COLQ: variants seen among roughly 807,000 people sequenced by gnomAD.
COLQ encodes the protein collagen like tail subunit of asymmetric acetylcholinesterase.
A neutral mutation model predicts 69.0 loss-of-function variants in COLQ; 48 were observed. That is an observed-to-expected ratio of 0.70 (90% confidence interval 0.55 to 0.88). The LOEUF (loss-of-function observed/expected upper bound fraction) is 0.88. Ranked by LOEUF, COLQ falls within the 40% of genes least tolerant of loss-of-function variation. The pLI is 0.00. For missense variants in COLQ, 618 were observed against 594.6 expected, an observed-to-expected ratio of 1.04 and a Z score of -0.41; for synonymous variants, 217 against 211.2, an observed-to-expected ratio of 1.03 and a Z score of -0.24.
At chr3:15,492,916 T>G (rs956583105) in intron 1 of COLQ, among the ~76,000 whole-genome samples, 5 of 152,156 alleles carry the variant, frequency 3.3e-5, no homozygotes, top group African/African-American at 1.2e-4. Flanking sequence ...TGTTGGCCTA[T>G]CCAATGCTTG....
At chr3:15,500,115 C>G (rs1404067598) in intron 1 of COLQ, among the ~76,000 whole-genome samples, 1 of 152,108 alleles carries the variant, frequency 6.6e-6, no homozygotes, top group Non-Finnish European at 1.5e-5. Context: ...GGAAGGATTC[C>G]TGGAAGAGGT....
rs142914641 is a variant in COLQ, at chr3:15,505,738, C to CA, written c.106+15781dup. Among the ~76,000 whole-genome samples, 816 of 152,340 alleles carry CA rather than the reference C, an allele frequency of 5.4e-3. 5 individuals carry two copies. The highest frequency in any genetic ancestry group is 0.018 in the African/African-American group (749 of 41,580). ...GGGAGATCTGGCCATAGGTCAGAGA[C>CA]AAAACCTTCCAGCTGCATCGGGCCC... On this transcript the variant is annotated intron_variant, in intron 1 of 16. Coordinates refer to ENST00000383788, the MANE Select transcript of COLQ (RefSeq NM_005677.4).
intron 3 of COLQ, among the ~76,000 whole-genome samples, chr3:15,487,950 A>G (rs2062600912): frequency 6.6e-6 from 1 of 152,204 alleles, no homozygotes; most frequent in Non-Finnish European, 1.5e-5. Flanking sequence ...TCCTCATTTG[A>G]TTCCCCCAAA....
At chr3:15,489,221 C>T (rs566297820) in intron 2 of COLQ, among the ~76,000 whole-genome samples, 1 of 152,182 alleles carries the variant, frequency 6.6e-6, no homozygotes, top group Admixed American at 6.5e-5. Context: ...TGATGGGAAC[C>T]CAGGAAGTTA....
At chr3:15,489,383 T>G (rs1479407589) in intron 2 of COLQ, 142 bp downstream of exon 2, 2 of 771,070 alleles carry the variant, frequency 2.6e-6, no homozygotes, top group Non-Finnish European at 4.5e-6. Flanking sequence ...GGGGCTCAAC[T>G]TCTGGGTGAC....
intron 3 of COLQ, among the ~76,000 whole-genome samples, chr3:15,483,145 T>C (rs1277622866): frequency 1.3e-5 from 2 of 152,204 alleles, no homozygotes; most frequent in African/African-American, 4.8e-5. Context: ...ATTTTATTGA[T>C]CTTTTCAAAA....
In COLQ at chr3:15,451,375, C is replaced by T. The variant is rs1366908032; in HGVS notation, c.*269G>A. On this transcript the variant is annotated 3_prime_UTR_variant, in exon 17 of 17. Coordinates refer to ENST00000383788, the MANE Select transcript of COLQ (RefSeq NM_005677.4). ...TCCAGAAGAGGAAGAGCATTGTAGC[C>T]GGTTGTTTGGCCAAATGGTAGCGAT... is the stretch of plus-strand genomic sequence containing the variant. 19 of 616,766 alleles carry T rather than the reference C, an allele frequency of 3.1e-5. No homozygotes were observed. The highest frequency in any genetic ancestry group is 1.8e-4 in the South Asian group (10 of 56,318). 38.2% of individuals were successfully genotyped at this position (616,766 alleles called of 1,614,324 possible).
intron 1 of COLQ, among the ~76,000 whole-genome samples, chr3:15,513,632 T>C (rs1006565099): frequency 1.3e-5 from 2 of 152,234 alleles, no homozygotes; most frequent in Non-Finnish European, 2.9e-5. Context: ...ACTGCCCTTC[T>C]GAGATCACCT....
At chr3:15,456,083 G>T in intron 14 of COLQ, 64 bp from the exon 15 acceptor site, 1 of 1,601,516 alleles carries the variant, frequency 6.2e-7, no homozygotes. Flanking sequence ...CAGGCAGGGA[G>T]GTCATTGGTT....
intron 1 of COLQ, among the ~76,000 whole-genome samples, chr3:15,513,941 A>C (rs1012336324): frequency 7.9e-5 from 12 of 152,358 alleles, no homozygotes; most frequent in African/African-American, 2.9e-4. Context: ...GGTGGCCCCT[A>C]AATACAACCA....
chr3:15,510,210 G>A (rs1370669820), intron 1 of COLQ, among the ~76,000 whole-genome samples: 2 of 151,838 alleles, frequency 1.3e-5, no homozygotes, highest in African/African-American at 4.8e-5. Context: ...ATAGTGGAAT[G>A]AAACATCCCA....
chr3:15,467,417 T>G (rs890824064), intron 11 of COLQ, among the ~76,000 whole-genome samples: 2 of 152,248 alleles, frequency 1.3e-5, no homozygotes, highest in Non-Finnish European at 2.9e-5. Context: ...CGAAGAGCTA[T>G]GTGGGGCAAG....
chr3:15,461,189 TC>T (rs112293633), intron 12 of COLQ, among the ~76,000 whole-genome samples: 41 of 144,174 alleles, frequency 2.8e-4, no homozygotes, highest in African/African-American at 8.5e-4. Context: ...TTGCCTTTAT[TC>T]CCCCCCCGAC....
intron 3 of COLQ, among the ~76,000 whole-genome samples, chr3:15,483,959 A>G (rs574176417): frequency 9.2e-5 from 14 of 152,174 alleles, no homozygotes; most frequent in Admixed American, 8.5e-4. Flanking sequence ...TCCCTTTACC[A>G]TTATGTAATG....
intron 1 of COLQ, among the ~76,000 whole-genome samples, chr3:15,507,596 A>G (rs2062928589): frequency 1.3e-5 from 2 of 152,220 alleles, no homozygotes; most frequent in Non-Finnish European, 2.9e-5. Flanking sequence ...CTGGGACTAC[A>G]GGTGTGTGCA....
chr3:15,514,505 C>T (rs1490192339), intron 1 of COLQ, among the ~76,000 whole-genome samples: 1 of 152,162 alleles, frequency 6.6e-6, no homozygotes, highest in Non-Finnish European at 1.5e-5. Flanking sequence ...ATCCAATACC[C>T]CAGAGATTCT....
At chr3:15,489,684 C>T (rs770968665) in intron 1 of COLQ, 47 bp from the exon 2 acceptor site, 8 of 1,552,522 alleles carry the variant, frequency 5.2e-6, no homozygotes, top group Non-Finnish European at 7.1e-6. Flanking sequence ...CAGTGCTGGG[C>T]CTCTGTCACA....
At position 15,473,858 on chromosome 3, in the gene COLQ, G is replaced by T; in HGVS notation, c.636+142C>A. 1 of 931,054 alleles carries T rather than the reference G, an allele frequency of 1.1e-6. No individual in the cohort carries two copies. The highest frequency in any genetic ancestry group is 1.7e-6 in the Non-Finnish European group (1 of 585,168). 57.7% of individuals were successfully genotyped at this position (931,054 alleles called of 1,614,324 possible). A position where few individuals can be genotyped will look rare whatever the true frequency, so the allele number is the denominator to read the frequency against. On this transcript the variant is annotated intron_variant, in intron 10 of 16. Transcript: ENST00000383788. This position sits in a 1 kb window ranked among gnomAD's most constrained non-coding sequence, Gnocchi z 4.0. The stretch of plus-strand genomic sequence containing the variant: ...CTCTCCCCAGGGTGAAAAGCAACTT[G>T]CTTCCCGTCCCAAAATAGAAGTTTC...
At chr3:15,499,183 T>C (rs545862887) in intron 1 of COLQ, among the ~76,000 whole-genome samples, 13 of 152,196 alleles carry the variant, frequency 8.5e-5, no homozygotes, top group Non-Finnish European at 1.3e-4. Flanking sequence ...ACAAAATATA[T>C]AGATTTCCAA....
Sources: allele counts gnomAD v4.1 joint callset (sites outside exome capture counted in the v4.1 genomes callset), GRCh38; gene constraint gnomAD v4.1.1; non-coding constraint Gnocchi (gnomAD v3.1); transcripts MANE v1.5; gene names NCBI Gene and HGNC (gene_info 2026-07-23, HGNC 2026-07-21).